DOCK4: variants seen among roughly 807,000 people sequenced by gnomAD.
DOCK4 encodes the protein dedicator of cytokinesis protein 4.
A neutral mutation model predicts 268.1 loss-of-function variants in DOCK4; 97 were observed. That is an observed-to-expected ratio of 0.36 (90% CI 0.31 to 0.43). The LOEUF (loss-of-function observed/expected upper bound fraction) is 0.43. Among genes scored for constraint, DOCK4 ranks in the 20% least tolerant of loss-of-function variants. The pLI, the probability that DOCK4 is intolerant of heterozygous loss-of-function variation, is 1.00. For missense variants in DOCK4, 2,145 were observed against 2,455.7 expected, an observed-to-expected ratio of 0.87 and a Z score of 2.67; for synonymous variants, 954 against 887.2, an observed-to-expected ratio of 1.08 and a Z score of -1.34.
chr7:111,966,095 G>C (rs1267207870), intron 8 of DOCK4, among the ~76,000 whole-genome samples: 20 of 58,812 alleles, frequency 3.4e-4, no homozygotes, highest in African/African-American at 2.3e-3. Flanking sequence ...ATGACCACAA[G>C]AGAAAGCAGG....
At chr7:111,849,338 C>T (rs1265558662) in intron 23 of DOCK4, among the ~76,000 whole-genome samples, 2 of 150,186 alleles carry the variant, frequency 1.3e-5, no homozygotes, top group Non-Finnish European at 2.9e-5. Context: ...TCTTGGCTCA[C>T]TGCAACCTCT....
chr7:111,927,448 T>C (rs984118328), intron 12 of DOCK4, among the ~76,000 whole-genome samples: 6 of 152,214 alleles, frequency 3.9e-5, no homozygotes, highest in Admixed American at 1.3e-4. Flanking sequence ...AGAAATCTGC[T>C]GACCAGCAAT....
At chr7:111,827,521 G>A (rs1802495898) in intron 26 of DOCK4, among the ~76,000 whole-genome samples, 1 of 152,128 alleles carries the variant, frequency 6.6e-6, no homozygotes. Context: ...AGAGAGGGAG[G>A]ACTGTATCCT....
chr7:111,934,523 G>GTTTTTTTTTTTT lies in DOCK4; in HGVS notation c.1066+1005_1066+1016dup, dbSNP rs1183672033. Among the ~76,000 whole-genome samples the GTTTTTTTTTTTT allele has an allele frequency of 3.9e-4, 33 of 83,824 alleles. 1 individual carries two copies. Among genetic ancestry groups the GTTTTTTTTTTTT allele is most frequent in the Non-Finnish European group, 7.2e-4 (27 of 37,658 alleles). The allele number at this position is 83,824 out of a possible 152,430, so 55.0% of individuals were successfully genotyped here. On this transcript the variant is annotated intron_variant, in intron 12 of 52. Transcript: ENST00000428084. ...GCGAAGCATGTTTTGTTTTGTTTTT[G>GTTTTTTTTTTTT]TTTTTTTTTTTTTTTTTTTTTTTTT...
chr7:111,914,444 G>T (rs1452930641), intron 13 of DOCK4, among the ~76,000 whole-genome samples: 1 of 152,122 alleles, frequency 6.6e-6, no homozygotes, highest in East Asian at 1.9e-4. Flanking sequence ...GACCCAAAGT[G>T]CTGAGTGTGA....
chr7:112,036,506 A>G (rs1302845411), intron 1 of DOCK4, among the ~76,000 whole-genome samples: 4 of 152,188 alleles, frequency 2.6e-5, no homozygotes. Context: ...ACAATATGTA[A>G]TAACTAAAAT....
At chr7:111,787,071 T>C (rs951649924) in intron 32 of DOCK4, among the ~76,000 whole-genome samples, 1 of 152,210 alleles carries the variant, frequency 6.6e-6, no homozygotes, top group African/African-American at 2.4e-5. Flanking sequence ...GATTCTCATG[T>C]CGAGGTACAT....
intron 1 of DOCK4, among the ~76,000 whole-genome samples, chr7:112,112,968 G>A (rs983014483): frequency 6.6e-6 from 1 of 152,164 alleles, no homozygotes; most frequent in Non-Finnish European, 1.5e-5. Context: ...ACAGCTGACT[G>A]TGTACTCAGG....
intron 12 of DOCK4, among the ~76,000 whole-genome samples, chr7:111,928,997 C>T (rs1400843029): frequency 1.6e-4 from 24 of 152,142 alleles, no homozygotes. Flanking sequence ...ATTTAGATAA[C>T]TGTACTGTGG....
chr7:112,014,224 C>T (rs1473635623), intron 1 of DOCK4, among the ~76,000 whole-genome samples: 2 of 152,150 alleles, frequency 1.3e-5, no homozygotes, highest in Non-Finnish European at 2.9e-5. Context: ...GACAACTCTT[C>T]AGGTGCTTGG....
chr7:111,877,222 G>A, intron 16 of DOCK4, 36 bp from the exon 17 acceptor site: 2 of 1,347,428 alleles, frequency 1.5e-6, no homozygotes, highest in Non-Finnish European at 1.9e-6. Flanking sequence ...AAGGGAAGGG[G>A]AAGAGATCTC....
intron 8 of DOCK4, among the ~76,000 whole-genome samples, chr7:111,974,682 A>T (rs1586546475): frequency 6.6e-6 from 1 of 151,968 alleles, no homozygotes; most frequent in South Asian, 2.1e-4. Context: ...ATGGCAGCCC[A>T]GCCACATTAC....
intron 30 of DOCK4, among the ~76,000 whole-genome samples, chr7:111,805,133 T>C (rs1800580084): frequency 1.3e-5 from 2 of 152,108 alleles, no homozygotes; most frequent in South Asian, 2.1e-4. Flanking sequence ...TTTGTTGTCT[T>C]TGGACAACAA....
chr7:112,009,503 A>AGTG (rs1801121730), intron 1 of DOCK4, among the ~76,000 whole-genome samples: 1 of 152,192 alleles, frequency 6.6e-6, no homozygotes, highest in Non-Finnish European at 1.5e-5. Flanking sequence ...AATATTGAAC[A>AGTG]CTGGTCTGAA....
rs1008739099 is a variant in DOCK4 at position 111,945,629 on chromosome 7, A to G, written c.783+88T>C. ...CATAAAGTTTAAAAGCAAATTCACT[A>G]TGTTCTCTCACAGTAATTTATTTCT... On this transcript the variant is annotated intron_variant, in intron 9 of 52. Transcript: ENST00000428084. 5.2e-6 allele frequency: 6 copies of G among 1,143,016 alleles called. No homozygotes were observed. The African/African-American group carries it at 9.4e-5, about 18-fold the overall frequency. The allele number at this position is 1,143,016 out of a possible 1,614,324, so 70.8% of individuals were successfully genotyped here.
intron 51 of DOCK4, among the ~76,000 whole-genome samples, chr7:111,734,417 G>A (rs1379971090): frequency 2.6e-5 from 4 of 152,184 alleles, no homozygotes; most frequent in Non-Finnish European, 5.9e-5. Flanking sequence ...AAACTTGTGA[G>A]TTCAAGTGAT....
rs1053244313 is a variant in DOCK4 at position 111,726,797 on chromosome 7, CTT to C, written c.*1475_*1476del. On this transcript the variant is annotated 3_prime_UTR_variant, in exon 53 of 53. Coordinates refer to ENST00000428084, the MANE Select transcript of DOCK4 (RefSeq NM_001363540.2). Reference sequence around the variant, plus strand: ...CTTTTTTTTACACATAATGGTATCTCTTATTAAAATTAACCAGTTATATACAA... The same window carrying C: ...CTTTTTTTTACACATAATGGTATCTCATTAAAATTAACCAGTTATATACAA... 1.3e-5 allele frequency: 2 copies of C among 152,522 alleles called. No individual in the cohort carries two copies. Among genetic ancestry groups the C allele is most frequent in the Non-Finnish European group, 2.9e-5 (2 of 67,996 alleles). 9.4% of individuals were successfully genotyped at this position (152,522 alleles called of 1,614,324 possible). A position where few individuals can be genotyped will look rare whatever the true frequency, so the allele number is the denominator to read the frequency against.
At chr7:111,929,252 C>T (rs947368453) in intron 12 of DOCK4, among the ~76,000 whole-genome samples, 5 of 151,608 alleles carry the variant, frequency 3.3e-5, no homozygotes, top group Non-Finnish European at 7.4e-5. Flanking sequence ...ATTAATGTTG[C>T]GTTATATGAC....
chr7:112,178,039 T>C (rs1362241148), intron 1 of DOCK4, among the ~76,000 whole-genome samples: 1 of 152,234 alleles, frequency 6.6e-6, no homozygotes, highest in Non-Finnish European at 1.5e-5. Flanking sequence ...TTGTATTAAG[T>C]ACCCAGCATC....
Sources: allele counts gnomAD v4.1 joint callset (sites outside exome capture counted in the v4.1 genomes callset), GRCh38; gene constraint gnomAD v4.1.1; transcripts MANE v1.5; gene names NCBI Gene and HGNC (gene_info 2026-07-23, HGNC 2026-07-21).